Variants in NBN observed in about 807,000 individuals in gnomAD.
The protein encoded by NBN is Nijmegen breakage syndrome 1 (nibrin).
In NBN, 88 loss-of-function variants were observed where a neutral mutation model predicts 90.8. That is an observed-to-expected ratio of 0.97 (90% CI 0.82 to 1.16). NBN has a LOEUF of 1.16. Among genes scored for constraint, NBN ranks in the 50% most tolerant of loss-of-function variants. The pLI is 0.00. For missense variants in NBN, 894 were observed against 869.6 expected, an observed-to-expected ratio of 1.03 and a Z score of -0.35; for synonymous variants, 328 against 295.1, an observed-to-expected ratio of 1.11 and a Z score of -1.14.
At chr8:89,969,112 A>G (rs1811384501) in intron 7 of NBN, among the ~76,000 whole-genome samples, 1 of 152,246 alleles carries the variant, frequency 6.6e-6, no homozygotes, top group African/African-American at 2.4e-5. Context: ...TGGACTTTTC[A>G]GGCATATAAA....
At chr8:89,951,308 T>A (rs1810436953) in intron 11 of NBN, among the ~76,000 whole-genome samples, 1 of 70,888 alleles carries the variant, frequency 1.4e-5, no homozygotes, top group African/African-American at 5.8e-5. Context: ...CAAGACTCTG[T>A]CTCAAAAAAA....
At chr8:89,968,378 A>G (rs76499327) in intron 7 of NBN, among the ~76,000 whole-genome samples, 2,685 of 152,176 alleles carry the variant, frequency 0.018, 79 homozygotes, top group African/African-American at 0.06. Flanking sequence ...CAGGGTGTCA[A>G]TATGTGCTGA....
chr8:89,965,340 G>C (rs1027900281), intron 7 of NBN, among the ~76,000 whole-genome samples: 1 of 152,080 alleles, frequency 6.6e-6, no homozygotes, highest in Non-Finnish European at 1.5e-5. Flanking sequence ...TCACATTAAA[G>C]GAATCTTATG....
chr8:89,950,083 G>T (rs1311984745), intron 11 of NBN, among the ~76,000 whole-genome samples: 1 of 152,118 alleles, frequency 6.6e-6, no homozygotes, highest in Non-Finnish European at 1.5e-5. Context: ...ACAAACAATT[G>T]TCTCAAACAG....
intron 13 of NBN, 73 bp from the exon 14 acceptor site, chr8:89,943,439 A>T: frequency 1.4e-6 from 2 of 1,461,170 alleles, no homozygotes; most frequent in Non-Finnish European, 1.9e-6. Context: ...AAAAGATTAA[A>T]AAGCAAAGAT....
At chr8:89,947,128 T>G (rs1810227339) in intron 12 of NBN, among the ~76,000 whole-genome samples, 1 of 152,216 alleles carries the variant, frequency 6.6e-6, no homozygotes, top group Non-Finnish European at 1.5e-5. Flanking sequence ...AAGAACAGCC[T>G]AAACTTTTAG....
rs377700348 is a variant in NBN at position 89,971,242 on chromosome 8, A to T, written c.633T>A (p.Asp211Glu). Residue 211 changes from aspartate to glutamate, a missense_variant, in exon 6 of 16, where the codon GAT becomes GAA. Coordinates refer to ENST00000265433, the MANE Select transcript of NBN (RefSeq NM_002485.5). Reference sequence around the variant, plus strand: ...GTTTTCTTTCCTGCCGTCCTGACAGATCAACATTTTTACTTCCAATAGATG... The same window carrying T: ...GTTTTCTTTCCTGCCGTCCTGACAGTTCAACATTTTTACTTCCAATAGATG... ...DEPSIGSKNV[D>E]LSGRQERKQI... 2.3e-5 allele frequency: 37 copies of T among 1,613,212 alleles called. No individual in the cohort carries two copies. The highest frequency in any genetic ancestry group is 3.0e-5 in the Non-Finnish European group (35 of 1,179,552).
rs779218232 is a variant in NBN, at chr8:89,955,481, G to A, written c.1199C>T (p.Ala400Val). 1 of 1,613,454 alleles carries A rather than the reference G, an allele frequency of 6.2e-7. No homozygotes were observed. The highest frequency in any genetic ancestry group is 1.7e-5 in the Admixed American group (1 of 59,982). ...TTTGCAGGACTCCTTTACAGTGGGT[G>A]CATCTTGTGAAAGCATTCTGAATTT... Reference protein sequence around the residue: ...EQKFRMLSQDAPTVKESCKTS... With the variant: ...EQKFRMLSQDVPTVKESCKTS... Residue 400 changes from alanine (A) to valine (V), a missense_variant, in exon 10 of 16, where the codon GCA (alanine) becomes GTA (valine). Transcript: ENST00000265433.
chr8:89,949,961 G>A (rs554768207), intron 11 of NBN, among the ~76,000 whole-genome samples: 1 of 152,236 alleles, frequency 6.6e-6, no homozygotes, highest in African/African-American at 2.4e-5. Context: ...ACCCCACATT[G>A]AGTAAGGTTG....
rs1177686103 is a variant in NBN, at chr8:89,957,005, A to AC, written c.1125-1451dup. The stretch of plus-strand genomic sequence containing the variant: ...AGCACAACAGCACATACAATTCGGT[A>AC]CAATACATAATACTTGATAATGATA... On this transcript the variant is annotated intron_variant, in intron 9 of 15. Coordinates refer to ENST00000265433, the MANE Select transcript of NBN (RefSeq NM_002485.5). Among the ~76,000 whole-genome samples, 5 of 152,374 alleles carry AC rather than the reference A, an allele frequency of 3.3e-5. No homozygotes were observed. In the East Asian group the frequency reaches 5.8e-4, roughly 18 times the overall value.
At chr8:89,950,088 A>C (rs1296170533) in intron 11 of NBN, among the ~76,000 whole-genome samples, 1 of 151,928 alleles carries the variant, frequency 6.6e-6, no homozygotes, top group Non-Finnish European at 1.5e-5. Context: ...CAATTGTCTC[A>C]AACAGTTTTT....
chr8:89,982,270 G>A (rs1358439874), intron 2 of NBN: 2 of 237,394 alleles, frequency 8.4e-6, no homozygotes, highest in African/African-American at 2.4e-5. Flanking sequence ...TATTATATGA[G>A]AAATGCCCGT....
At chr8:89,943,209 A>G in intron 14 of NBN, 44 bp downstream of exon 14, 3 of 1,609,876 alleles carry the variant, frequency 1.9e-6, no homozygotes, top group South Asian at 2.2e-5. Context: ...ATAATGGACC[A>G]AAGTGCAATT....
chr8:89,984,274 G>A (rs1476947720), intron 1 of NBN: 4 of 590,298 alleles, frequency 6.8e-6, no homozygotes, highest in Non-Finnish European at 1.2e-5. Flanking sequence ...GGGGAGTCAG[G>A]GGAGGGGCGC....
At chr8:89,971,521 C>T (rs1274180081) in intron 5 of NBN, among the ~76,000 whole-genome samples, 1 of 152,026 alleles carries the variant, frequency 6.6e-6, no homozygotes, top group Non-Finnish European at 1.5e-5. Context: ...TCATTAATAT[C>T]TCAAAATAAA....
At chr8:89,935,777 T>C (rs959411108) in intron 15 of NBN, 165 bp from the exon 16 acceptor site, 5 of 316,724 alleles carry the variant, frequency 1.6e-5, no homozygotes, top group Admixed American at 1.3e-4. Flanking sequence ...TTTTCATGTA[T>C]CCCTTTGATG....
chr8:89,935,818 A>C (rs1809645639), intron 15 of NBN, among the ~76,000 whole-genome samples: 1 of 152,120 alleles, frequency 6.6e-6, no homozygotes, highest in South Asian at 2.1e-4. Context: ...TAAAAACAAA[A>C]AAAAAATCAA....
intron 5 of NBN, among the ~76,000 whole-genome samples, chr8:89,973,222 C>T (rs981080541): frequency 2.6e-5 from 4 of 152,208 alleles, no homozygotes; most frequent in Non-Finnish European, 5.9e-5. Context: ...GCATTCAATA[C>T]ATATTTACAA....
In NBN at chr8:89,958,765, T is replaced by C. The variant is rs1810850707; in HGVS notation, c.1084A>G (p.Thr362Ala). The change falls in exon 9 of 16, where the codon ACA (threonine) becomes GCA (alanine). Residue 362 changes from threonine (T) to alanine (A), a missense_variant. By Grantham distance (58) the Thr-to-Ala change is moderately conservative. Transcript: ENST00000265433. ...LMPSAPVNTT[T>A]YVADTESEQA... Reference sequence around the variant, plus strand: ...TCTGATTCTGTGTCAGCTACGTATGTTGTAGTGTTCACTGGGGCGCTTGGC... The same window carrying C: ...TCTGATTCTGTGTCAGCTACGTATGCTGTAGTGTTCACTGGGGCGCTTGGC... The C allele has an allele frequency of 6.2e-7, 1 of 1,614,146 alleles. No homozygotes were observed. The highest frequency in any genetic ancestry group is 8.5e-7 in the Non-Finnish European group (1 of 1,179,984).
Sources: gnomAD v4.1 joint callset for allele counts (sites outside exome capture counted in the v4.1 genomes callset) on GRCh38, gnomAD v4.1.1 for gene constraint, MANE v1.5 for transcripts, NCBI Gene and HGNC (gene_info 2026-07-23, HGNC 2026-07-21) for gene names.